BTG4: variants seen among roughly 807,000 people sequenced by gnomAD.
BTG4 encodes the protein BTG anti-proliferation factor 4.
BTG4 carries 10 observed loss-of-function variants against 19.3 expected under a neutral mutation model. That is an observed-to-expected ratio of 0.52 (90% confidence interval 0.32 to 0.88). BTG4 has a LOEUF of 0.88. Ranked by LOEUF, BTG4 falls within the 40% of genes least tolerant of loss-of-function variation. The pLI, the probability that BTG4 is intolerant of heterozygous loss-of-function variation, is 0.04. For synonymous variants in BTG4, 91 were observed against 95.7 expected (o/e 0.95, Z 0.29); for missense variants, 238 against 281.9 (o/e 0.84, Z 1.11).
chr11:111,497,235 G>T lies in BTG4; in HGVS notation c.486C>A (p.Val162=). ...CSKEPRVIPK[V]SNPKSIYQVE... ...CCTGATAAATACTCTTCGGATTGCTGACTTTAGGAATGACACGAGGTTCCT... is the reference window on the plus strand; with the variant it reads ...CCTGATAAATACTCTTCGGATTGCTTACTTTAGGAATGACACGAGGTTCCT... The change falls in exon 4 of 5, where the codon GTC becomes GTA. Residue 162 remains valine, a synonymous_variant. Transcript: ENST00000692032. 2 of 1,613,276 alleles carry T rather than the reference G, an allele frequency of 1.2e-6. No homozygotes were observed. The highest frequency in any genetic ancestry group is 1.7e-6 in the Non-Finnish European group (2 of 1,179,624).
chr11:111,454,281 A>AT, the BTG4 span: 1 of 456,474 alleles, frequency 2.2e-6, no homozygotes, highest in South Asian at 1.6e-5. Flanking sequence ...GAGTGGTTTG[A>AT]CACAGAGGCC....
chr11:111,401,257 C>T, the BTG4 span, among the ~76,000 whole-genome samples: 1 of 152,056 alleles, frequency 6.6e-6, no homozygotes, highest in Middle Eastern at 3.4e-3. Flanking sequence ...GAGGCCAAGG[C>T]GGGCGGATCA....
chr11:111,436,613 G>A, the BTG4 span, among the ~76,000 whole-genome samples: 3 of 140,732 alleles, frequency 2.1e-5, no homozygotes, highest in African/African-American at 8.0e-5. Flanking sequence ...GGCAACGAGA[G>A]CAAAACTCCG....
chr11:111,392,053 T>C, the BTG4 span, among the ~76,000 whole-genome samples: 1 of 152,098 alleles, frequency 6.6e-6, no homozygotes, highest in South Asian at 2.1e-4. Context: ...CCCTTCATTT[T>C]TAAAATGAGG....
intron 1 of BTG4, among the ~76,000 whole-genome samples, chr11:111,505,713 T>G (rs964699349): frequency 1.3e-5 from 2 of 152,018 alleles, no homozygotes; most frequent in Non-Finnish European, 2.9e-5. Context: ...GGAGAAAATA[T>G]TTACAAATTA....
chr11:111,505,833 CAGA>C (rs1866417549), intron 1 of BTG4, among the ~76,000 whole-genome samples: 2 of 151,910 alleles, frequency 1.3e-5, no homozygotes, highest in Non-Finnish European at 1.5e-5. Flanking sequence ...AGACATTTCT[CAGA>C]AGAAGAAATA....
chr11:111,451,607 A>G, the BTG4 span, among the ~76,000 whole-genome samples: 1 of 152,114 alleles, frequency 6.6e-6, no homozygotes, highest in Non-Finnish European at 1.5e-5. Context: ...TCTACTAAAA[A>G]TACAAAATTA....
At chr11:111,473,201 A>G (rs1864181549) in intron 5 of BTG4, 1 of 152,544 alleles carries the variant, frequency 6.6e-6, no homozygotes, top group Non-Finnish European at 1.5e-5. Context: ...GCAAAATTGT[A>G]CATAGTACTC....
chr11:111,394,831 A>T, the BTG4 span, among the ~76,000 whole-genome samples: 1 of 152,208 alleles, frequency 6.6e-6, no homozygotes, highest in Non-Finnish European at 1.5e-5. Context: ...ACTTACCAAG[A>T]TATGGTCCTA....
intron 5 of BTG4, among the ~76,000 whole-genome samples, chr11:111,489,143 C>CA (rs34189492): frequency 0.28 from 38,483 of 136,836 alleles, 5,791 homozygotes; most frequent in Middle Eastern, 0.39. Context: ...AACTCCATCT[C>CA]AAAAAAAAAA....
the BTG4 span, among the ~76,000 whole-genome samples, chr11:111,452,050 G>A: frequency 6.6e-6 from 1 of 152,168 alleles, no homozygotes; most frequent in Non-Finnish European, 1.5e-5. Context: ...CATCTGCCAA[G>A]CCCACCTATG....
chr11:111,446,049 G>A, the BTG4 span, among the ~76,000 whole-genome samples: 1 of 152,094 alleles, frequency 6.6e-6, no homozygotes, highest in South Asian at 2.1e-4. Flanking sequence ...AATAGAAACA[G>A]GATAGAGAGA....
chr11:111,509,718 C>T (rs1866727011), intron 1 of BTG4, among the ~76,000 whole-genome samples: 1 of 151,104 alleles, frequency 6.6e-6, no homozygotes, highest in African/African-American at 2.4e-5. Context: ...AAAACAAAAA[C>T]AAAAACAAAA....
chr11:111,480,191 T>C (rs1211315816), intron 5 of BTG4, among the ~76,000 whole-genome samples: 1 of 152,074 alleles, frequency 6.6e-6, no homozygotes, highest in Non-Finnish European at 1.5e-5. Context: ...CAGGAATGGC[T>C]ATATTAATAT....
the BTG4 span, among the ~76,000 whole-genome samples, chr11:111,406,033 A>C: frequency 6.6e-6 from 1 of 152,144 alleles, no homozygotes; most frequent in Admixed American, 6.5e-5. Flanking sequence ...TATATGCTTT[A>C]TTTTCTCCCA....
chr11:111,470,518 CTG>C (rs2135527199), intron 5 of BTG4, among the ~76,000 whole-genome samples: 1 of 152,306 alleles, frequency 6.6e-6, no homozygotes, highest in South Asian at 2.1e-4. Context: ...ATCTGTAAAA[CTG>C]TGACTCATAC....
the BTG4 span, chr11:111,454,464 G>GA: frequency 2.7e-6 from 1 of 370,994 alleles, no homozygotes; most frequent in African/African-American, 2.1e-5. Flanking sequence ...AGAGTCCAAA[G>GA]AATATGGAAC....
chr11:111,496,969 C>T (rs1367246835), intron 4 of BTG4: 3 of 403,268 alleles, frequency 7.4e-6, no homozygotes, highest in East Asian at 3.6e-5. Context: ...TCTTCAAATA[C>T]TGTATGAAGA....
chr11:111,500,726 CT>C (rs1197700032), intron 1 of BTG4, among the ~76,000 whole-genome samples: 1 of 152,024 alleles, frequency 6.6e-6, no homozygotes, highest in African/African-American at 2.4e-5. Flanking sequence ...TGCTCCACCC[CT>C]AAAGACTAGC....
Sources: allele counts gnomAD v4.1 joint callset (sites outside exome capture counted in the v4.1 genomes callset), GRCh38; gene constraint gnomAD v4.1.1; transcripts MANE v1.5; gene names NCBI Gene and HGNC (gene_info 2026-07-23, HGNC 2026-07-21).